ADCK1: variants seen among roughly 807,000 people sequenced by gnomAD.
The protein encoded by ADCK1 is aarF domain-containing protein kinase 1.
ADCK1 carries 41 observed loss-of-function variants against 52.3 expected under a neutral mutation model. That is an observed-to-expected ratio of 0.78 (90% confidence interval 0.61 to 1.02). The LOEUF is 1.02. Among genes scored for constraint, ADCK1 ranks in the 50% least tolerant of loss-of-function variants. The pLI is 0.00. For synonymous variants in ADCK1, 250 were observed against 274.6 expected, an observed-to-expected ratio of 0.91 and a Z score of 0.89; for missense variants, 658 against 679.5, an observed-to-expected ratio of 0.97 and a Z score of 0.35.
chr14:77,810,531 CTTT>C (rs1185694274), intron 1 of ADCK1, among the ~76,000 whole-genome samples: 2 of 135,766 alleles, frequency 1.5e-5, no homozygotes, highest in Non-Finnish European at 3.2e-5. Flanking sequence ...AGGCTGGGTT[CTTT>C]TTTTTTTTTT....
In ADCK1 at chr14:77,886,907, A is replaced by AAC. The variant is rs59174310; in HGVS notation, c.424-151_424-150dup. ...GGTCGACAGCGCGGGACTCTGTCTC[A>AAC]ACACACACACACACACACACACACA... is the stretch of plus-strand genomic sequence containing the variant. On this transcript the variant is annotated intron_variant, in intron 4 of 10. Coordinates refer to ENST00000238561, the MANE Select transcript of ADCK1 (RefSeq NM_020421.4). Among the ~76,000 whole-genome samples the AAC allele has an allele frequency of 6.8e-4, 84 of 123,882 alleles. 4 individuals carry two copies. The highest frequency in any genetic ancestry group is 9.4e-5 in the Non-Finnish European group (5 of 53,408). 81.3% of individuals were successfully genotyped at this position (123,882 alleles called of 152,430 possible). A position where few individuals can be genotyped will look rare whatever the true frequency, so the allele number is the denominator to read the frequency against.
chr14:77,822,703 AGCT>A (rs2081609225), intron 3 of ADCK1, among the ~76,000 whole-genome samples, 185 bp downstream of exon 3: 1 of 152,140 alleles, frequency 6.6e-6, no homozygotes, highest in Non-Finnish European at 1.5e-5. Flanking sequence ...TCCTGTGTAC[AGCT>A]GGAATTGGGC....
intron 4 of ADCK1, among the ~76,000 whole-genome samples, chr14:77,872,891 GTCTCGA>G (rs2082816234): frequency 6.6e-6 from 1 of 152,136 alleles, no homozygotes; most frequent in Non-Finnish European, 1.5e-5. Context: ...GGCCAGCCTG[GTCTCGA>G]TCTCCTGACC....
intron 7 of ADCK1, among the ~76,000 whole-genome samples, chr14:77,919,960 G>A (rs1028360943): frequency 5.9e-5 from 9 of 152,274 alleles, no homozygotes; most frequent in African/African-American, 2.2e-4. Context: ...ATTTGTTTGA[G>A]TTCCTTGTAG....
At chr14:77,825,178 G>A (rs2081666811) in intron 3 of ADCK1, among the ~76,000 whole-genome samples, 1 of 152,088 alleles carries the variant, frequency 6.6e-6, no homozygotes, top group Non-Finnish European at 1.5e-5. Flanking sequence ...TAGACTATCT[G>A]TTCCTTTAGA....
intron 4 of ADCK1, among the ~76,000 whole-genome samples, chr14:77,861,800 C>T (rs776524162): frequency 2.6e-5 from 4 of 152,132 alleles, no homozygotes; most frequent in Middle Eastern, 3.2e-3. Flanking sequence ...AGGTGGGGCC[C>T]GGCCCTGTGG....
intron 3 of ADCK1, among the ~76,000 whole-genome samples, chr14:77,826,043 A>G (rs9323654): frequency 0.19 from 28,752 of 152,120 alleles, 3,206 homozygotes; most frequent in African/African-American, 0.3. Context: ...GTCATCTGAA[A>G]GGCAGTGACA....
chr14:77,843,039 G>GAT (rs1261784879), intron 3 of ADCK1, among the ~76,000 whole-genome samples: 3 of 151,876 alleles, frequency 2.0e-5, no homozygotes, highest in Admixed American at 6.6e-5. Context: ...ACAGGTGTGT[G>GAT]CCACTACTCC....
At chr14:77,872,656 C>A (rs539243021) in intron 4 of ADCK1, among the ~76,000 whole-genome samples, 1 of 149,336 alleles carries the variant, frequency 6.7e-6, no homozygotes. Flanking sequence ...TGTGCCGCCC[C>A]CAGGTCCCCT....
At chr14:77,813,062 G>C (rs1362516339) in intron 1 of ADCK1, among the ~76,000 whole-genome samples, 5 of 151,996 alleles carry the variant, frequency 3.3e-5, no homozygotes, top group African/African-American at 1.2e-4. Flanking sequence ...GAGTGCAATG[G>C]TGTGATCTTA....
At chr14:77,891,338 G>A (rs937755330) in intron 5 of ADCK1, among the ~76,000 whole-genome samples, 1 of 152,180 alleles carries the variant, frequency 6.6e-6, no homozygotes, top group African/African-American at 2.4e-5. Context: ...GCCATAGCTG[G>A]GAGAGACCTG....
intron 2 of ADCK1, among the ~76,000 whole-genome samples, chr14:77,821,398 G>T (rs1436669496): frequency 6.6e-6 from 1 of 152,174 alleles, no homozygotes; most frequent in African/African-American, 2.4e-5. Flanking sequence ...ATAAAGCTTT[G>T]TAGAGTGCAA....
rs771415429 is a variant in ADCK1, at chr14:77,924,490, A to G, written c.892A>G (p.Met298Val). 1.1e-5 allele frequency: 17 copies of G among 1,614,128 alleles called. No homozygotes were observed. In the South Asian group the frequency reaches 1.1e-4, roughly 10 times the overall value. Residue 298 changes from methionine (M) to valine (V), a missense_variant, in exon 8 of 11, where the codon ATG (methionine) becomes GTG (valine). Coordinates refer to ENST00000238561, the MANE Select transcript of ADCK1 (RefSeq NM_020421.4). ...CCACCTGGGCAAGATGTATAGTGAG[A>G]TGATCTTCGTCAATGGCTTCGTGCA... ...SRHLGKMYSE[M>V]IFVNGFVHCD...
chr14:77,903,982 T>C (rs1194148176), intron 6 of ADCK1, among the ~76,000 whole-genome samples: 1 of 152,184 alleles, frequency 6.6e-6, no homozygotes, highest in African/African-American at 2.4e-5. Context: ...AGACTGAGGC[T>C]CAGAGCTATC....
chr14:77,888,049 GCCC>G (rs527939763), intron 5 of ADCK1, among the ~76,000 whole-genome samples: 1 of 152,190 alleles, frequency 6.6e-6, no homozygotes, highest in South Asian at 2.1e-4. Flanking sequence ...GAGTGAGTGA[GCCC>G]CATCTTCATC....
In ADCK1 at chr14:77,924,569, A is replaced by G; in HGVS notation, c.971A>G (p.Lys324Arg). 2 of 1,613,868 alleles carry G rather than the reference A, an allele frequency of 1.2e-6. No individual in the cohort carries two copies. The highest frequency in any genetic ancestry group is 1.1e-5 in the South Asian group (1 of 91,092). ...GTGCGGAAGCACCCCGGCACGGGAAAGGCGGAGATTGTCCTGTTGGACCAT... is the reference window on the plus strand; with the variant it reads ...GTGCGGAAGCACCCCGGCACGGGAAGGGCGGAGATTGTCCTGTTGGACCAT... ...VLVRKHPGTGKAEIVLLDHGL... is the reference protein window; with the variant it reads ...VLVRKHPGTGRAEIVLLDHGL... Residue 324 changes from lysine (K) to arginine (R), a missense_variant, in exon 8 of 11, where the codon AAG (lysine) becomes AGG (arginine). By Grantham distance (26) the Lys-to-Arg change is conservative. Transcript: ENST00000238561.
chr14:77,820,954 G>C (rs1476380825), intron 2 of ADCK1: 1 of 151,784 alleles, frequency 6.6e-6, no homozygotes, highest in Non-Finnish European at 1.5e-5. Context: ...GACCTCAAGT[G>C]ATCTGCCTGG....
At chr14:77,817,016 C>T (rs58143586) in intron 1 of ADCK1, among the ~76,000 whole-genome samples, 1,753 of 151,042 alleles carry the variant, frequency 0.012, 34 homozygotes, top group African/African-American at 0.041. Context: ...CTGAGGCAGG[C>T]GGATCGCCTG....
intron 4 of ADCK1, among the ~76,000 whole-genome samples, chr14:77,866,897 G>A (rs548268338): frequency 1.3e-5 from 2 of 152,106 alleles, no homozygotes; most frequent in Admixed American, 1.3e-4. Context: ...CCTACCCTGG[G>A]GTCTGACTCC....
Sources: allele counts gnomAD v4.1 joint callset (sites outside exome capture counted in the v4.1 genomes callset), GRCh38; gene constraint gnomAD v4.1.1; transcripts MANE v1.5; gene names NCBI Gene and HGNC (gene_info 2026-07-23, HGNC 2026-07-21).